The following MTFR1 variants were observed in gnomAD, a reference collection of about 807,000 sequenced individuals.
MTFR1 encodes chondrocyte protein with a poly-proline region.
Under a neutral mutation model 38.8 loss-of-function variants are expected in MTFR1, and 28 were observed. That is an observed-to-expected ratio of 0.72 (90% CI 0.53 to 0.99). MTFR1 has a LOEUF of 0.99. Ranked by LOEUF, MTFR1 falls within the 50% of genes least tolerant of loss-of-function variation. MTFR1 has a pLI of 0.00. For missense variants in MTFR1, 358 were observed against 395.5 expected, an observed-to-expected ratio of 0.91 and a Z score of 0.81; for synonymous variants, 145 against 137.0, an observed-to-expected ratio of 1.06 and a Z score of -0.41.
At chr8:65,645,920 A>G (rs1254248412) in intron 1 of MTFR1, among the ~76,000 whole-genome samples, 2 of 152,198 alleles carry the variant, frequency 1.3e-5, no homozygotes, top group East Asian at 1.9e-4. Flanking sequence ...ATAATCATAC[A>G]TATAATAATT....
intron 3 of MTFR1, among the ~76,000 whole-genome samples, chr8:65,767,266 T>C (rs1296161358): frequency 6.6e-6 from 1 of 152,154 alleles, no homozygotes; most frequent in Non-Finnish European, 1.5e-5. Flanking sequence ...ATGACCAGCA[T>C]AGTATGAACG....
chr8:65,769,417 G>C (rs1808965643), intron 3 of MTFR1, among the ~76,000 whole-genome samples: 1 of 152,140 alleles, frequency 6.6e-6, no homozygotes. Flanking sequence ...CTAACCCTGA[G>C]AGCATATTTG....
intron 1 of MTFR1, among the ~76,000 whole-genome samples, chr8:65,656,395 G>A (rs184813783): frequency 6.6e-6 from 1 of 151,828 alleles, no homozygotes. Context: ...GTATAATGGT[G>A]CACTCATAGC....
intron 1 of MTFR1, among the ~76,000 whole-genome samples, chr8:65,667,437 T>C (rs1370661085): frequency 6.6e-6 from 1 of 151,824 alleles, no homozygotes; most frequent in Admixed American, 6.6e-5. Context: ...TTTTCTTTTC[T>C]TTTTTTTGAG....
At chr8:65,758,750 G>A (rs976450710) in intron 3 of MTFR1, among the ~76,000 whole-genome samples, 3 of 152,144 alleles carry the variant, frequency 2.0e-5, no homozygotes, top group South Asian at 2.1e-4. Context: ...GTTGGCCACC[G>A]AAATCCATGC....
At chr8:65,667,026 C>A (rs1273721883) in intron 1 of MTFR1, among the ~76,000 whole-genome samples, 2 of 152,154 alleles carry the variant, frequency 1.3e-5, no homozygotes, top group Non-Finnish European at 2.9e-5. Flanking sequence ...TTAATCCCAG[C>A]ACTTTGGGAG....
intron 1 of MTFR1, 63 bp from the exon 2 acceptor site, chr8:65,669,810 G>A: frequency 1.4e-6 from 1 of 728,006 alleles, no homozygotes; most frequent in South Asian, 1.7e-5. Context: ...TGTGAGACAT[G>A]TAGACAGTAC....
intron 3 of MTFR1, among the ~76,000 whole-genome samples, chr8:65,765,362 G>A (rs527473025): frequency 2.8e-3 from 416 of 149,624 alleles, no homozygotes; most frequent in South Asian, 0.013. Flanking sequence ...AGTGGCGGGC[G>A]CCTGTAGTCC....
chr8:65,708,541 G>A (rs1805852267), intron 7 of MTFR1, among the ~76,000 whole-genome samples: 1 of 152,120 alleles, frequency 6.6e-6, no homozygotes, highest in Admixed American at 6.5e-5. Flanking sequence ...TTTCATGGAA[G>A]CTCCCACATA....
chr8:65,725,908 C>T (rs1049839583), intron 3 of MTFR1, among the ~76,000 whole-genome samples: 7 of 152,022 alleles, frequency 4.6e-5, no homozygotes, highest in Admixed American at 1.3e-4. Flanking sequence ...AAGCAATTTT[C>T]GTATTTGTAC....
intron 6 of MTFR1, 22 bp from the exon 7 acceptor site, chr8:65,707,821 G>T (rs1160243958): frequency 1.2e-6 from 2 of 1,610,374 alleles, no homozygotes; most frequent in Non-Finnish European, 1.7e-6. Flanking sequence ...CTGTCCCCTT[G>T]GTTTGTGTTC....
At chr8:65,751,522 G>A (rs902689056) in intron 3 of MTFR1, among the ~76,000 whole-genome samples, 1 of 149,970 alleles carries the variant, frequency 6.7e-6, no homozygotes, top group African/African-American at 2.5e-5. Flanking sequence ...GCCCATTCTT[G>A]TTGTTCATTC....
intron 2 of MTFR1, among the ~76,000 whole-genome samples, chr8:65,716,222 T>C (rs1476591215): frequency 1.3e-5 from 2 of 150,830 alleles, no homozygotes; most frequent in Non-Finnish European, 3.0e-5. Flanking sequence ...TTTCAATGGG[T>C]TTATTATATG....
chr8:65,716,437 T>C (rs184190996), intron 2 of MTFR1, among the ~76,000 whole-genome samples: 3 of 152,234 alleles, frequency 2.0e-5, no homozygotes, highest in Admixed American at 2.0e-4. Context: ...CAGAAGCTGA[T>C]GTAGAGAAGC....
At chr8:65,733,423 G>A (rs1806987466) in intron 3 of MTFR1, among the ~76,000 whole-genome samples, 1 of 152,174 alleles carries the variant, frequency 6.6e-6, no homozygotes, top group African/African-American at 2.4e-5. Context: ...TTCTCAAACA[G>A]AGGATGCAGT....
intron 1 of MTFR1, among the ~76,000 whole-genome samples, chr8:65,657,121 C>G (rs973510585): frequency 6.6e-6 from 1 of 151,200 alleles, no homozygotes; most frequent in African/African-American, 2.4e-5. Context: ...TCAAGTGATT[C>G]TCCTGCCTCA....
At chr8:65,663,762 C>T (rs1378884810) in intron 1 of MTFR1, among the ~76,000 whole-genome samples, 5 of 149,600 alleles carry the variant, frequency 3.3e-5, no homozygotes, top group Admixed American at 6.7e-5. Context: ...TCCCCCTCCC[C>T]TTCCCCTTCC....
At chr8:65,739,690 G>A in intron 3 of MTFR1, 1 of 1,217,816 alleles carries the variant, frequency 8.2e-7, no homozygotes, top group Non-Finnish European at 1.0e-6. Flanking sequence ...TATAAAACAT[G>A]GAAAGAGTAA....
intron 3 of MTFR1, chr8:65,734,705 C>T: frequency 1.3e-6 from 1 of 744,380 alleles, no homozygotes; most frequent in Non-Finnish European, 2.4e-6. Context: ...GATTTTCAGT[C>T]AAAGCAGTAA....
Sources: allele counts gnomAD v4.1 joint callset (sites outside exome capture counted in the v4.1 genomes callset), GRCh38; gene constraint gnomAD v4.1.1; transcripts MANE v1.5; gene names NCBI Gene and HGNC (gene_info 2026-07-23, HGNC 2026-07-21).